ROR1: variants seen among roughly 807,000 people sequenced by gnomAD.
The protein encoded by ROR1 is ROR family WNT receptor 1, also known as inactive tyrosine-protein kinase transmembrane receptor ROR1.
ROR1 carries 19 observed loss-of-function variants against 78.8 expected under a neutral mutation model. That is an observed-to-expected ratio of 0.24 (90% CI 0.17 to 0.35). ROR1 has a LOEUF of 0.35. Among genes scored for constraint, ROR1 ranks in the 10% least tolerant of loss-of-function variants. The pLI is 1.00. For missense variants in ROR1, 917 were observed against 1,177.8 expected (o/e 0.78, Z 3.24); for synonymous variants, 386 against 433.6 (o/e 0.89, Z 1.36).
Position 64,178,558 on chromosome 1 carries a change from A to C in ROR1, c.2517A>C (p.Thr839=). 6.2e-7 allele frequency: 1 copy of C among 1,614,136 alleles called. No homozygotes were observed. The highest frequency in any genetic ancestry group is 8.5e-7 in the Non-Finnish European group (1 of 1,180,034). ...AAFPAAHYQP[T]GPPRVIQHCP... The stretch of plus-strand genomic sequence containing the variant: ...TTCCAGCTGCCCACTACCAGCCAAC[A>C]GGTCCTCCCAGAGTGATTCAGCACT... Residue 839 remains threonine, a synonymous_variant, in exon 9 of 9, where the codon ACA becomes ACC. Coordinates refer to ENST00000371079, the MANE Select transcript of ROR1 (RefSeq NM_005012.4). The surrounding 1 kb of genome is among the most constrained non-coding windows in gnomAD (Gnocchi z 4.3).
intron 8 of ROR1, among the ~76,000 whole-genome samples, chr1:64,170,957 A>G (rs1650221346): frequency 6.6e-6 from 1 of 152,130 alleles, no homozygotes; most frequent in Non-Finnish European, 1.5e-5. Flanking sequence ...CATTATCAGC[A>G]TTTTGGTCAA....
Position 64,028,844 on chromosome 1 carries a change from C to T in ROR1, c.163+19468C>T, listed in dbSNP as rs190023494. ...AAAATGTACAGTTAAATTATTATTGCCTATAATACCCCTGTTGTGCTATCA... is the reference window on the plus strand; with the variant it reads ...AAAATGTACAGTTAAATTATTATTGTCTATAATACCCCTGTTGTGCTATCA... On this transcript the variant is annotated intron_variant, in intron 2 of 8. Coordinates refer to ENST00000371079, the MANE Select transcript of ROR1 (RefSeq NM_005012.4). 3 of 152,134 alleles carry T rather than the reference C, an allele frequency of 2.0e-5. No homozygotes were observed. In the East Asian group the frequency reaches 5.8e-4, roughly 29 times the overall value. The allele number at this position is 152,134 out of a possible 1,614,324, so 9.4% of individuals were successfully genotyped here.
intron 1 of ROR1, among the ~76,000 whole-genome samples, chr1:63,888,165 C>CT (rs374920832): frequency 6.6e-6 from 1 of 152,102 alleles, no homozygotes; most frequent in Non-Finnish European, 1.5e-5. Context: ...GACAGTCTTC[C>CT]TTTTTTTCTA....
At chr1:63,865,213 T>C (rs1312632120) in intron 1 of ROR1, among the ~76,000 whole-genome samples, 2 of 152,214 alleles carry the variant, frequency 1.3e-5, no homozygotes, top group African/African-American at 4.8e-5. Flanking sequence ...TCCTAGTCTT[T>C]ATAGTTGATT....
intron 1 of ROR1, among the ~76,000 whole-genome samples, chr1:63,960,596 A>T (rs999147118): frequency 6.6e-6 from 1 of 152,180 alleles, no homozygotes; most frequent in Non-Finnish European, 1.5e-5. Flanking sequence ...CTCAAGTTTG[A>T]CCAGACACTT....
intron 5 of ROR1, 51 bp from the exon 6 acceptor site, chr1:64,140,058 A>G: frequency 6.5e-7 from 1 of 1,549,154 alleles, no homozygotes; most frequent in East Asian, 2.3e-5. Flanking sequence ...TAGATAACCA[A>G]AGAAGATAAA....
intron 2 of ROR1, among the ~76,000 whole-genome samples, chr1:64,025,966 C>T (rs1646605939): frequency 6.6e-6 from 1 of 152,132 alleles, no homozygotes; most frequent in Admixed American, 6.6e-5. Flanking sequence ...ACCACTAAAG[C>T]ACTTACTCAT....
intron 1 of ROR1, among the ~76,000 whole-genome samples, chr1:63,993,491 A>G (rs1384367556): frequency 6.6e-6 from 1 of 152,220 alleles, no homozygotes; most frequent in Non-Finnish European, 1.5e-5. Context: ...TAGATATTTT[A>G]TAAAGATGTA....
At chr1:64,108,672 T>C (rs1039920452) in intron 4 of ROR1, among the ~76,000 whole-genome samples, 5 of 151,924 alleles carry the variant, frequency 3.3e-5, no homozygotes, top group African/African-American at 7.3e-5. Flanking sequence ...CACACACCAA[T>C]ACAACATTCT....
At chr1:64,174,659 A>G (rs1289664797) in intron 8 of ROR1, among the ~76,000 whole-genome samples, 1 of 152,210 alleles carries the variant, frequency 6.6e-6, no homozygotes, top group Non-Finnish European at 1.5e-5. Flanking sequence ...GTCAAAAAGT[A>G]AGTGATGTCT....
intron 1 of ROR1, among the ~76,000 whole-genome samples, chr1:63,968,967 C>T (rs1342057776): frequency 2.0e-5 from 3 of 152,164 alleles, no homozygotes; most frequent in Admixed American, 6.5e-5. Context: ...TAAATAGGAG[C>T]TTCCTTGGAA....
chr1:63,973,620 G>C (rs1212579840), intron 1 of ROR1, among the ~76,000 whole-genome samples: 2 of 152,096 alleles, frequency 1.3e-5, no homozygotes, highest in Admixed American at 1.3e-4. Flanking sequence ...CCCCAATATT[G>C]GGACACAGGG....
Position 64,177,871 on chromosome 1 carries a change from C to A in ROR1, c.1830C>A (p.Phe610Leu). ...GCATGGAATACCTGTCTAGTCACTTCTTTGTCCACAAGGACCTTGCAGCTC... is the reference window on the plus strand; with the variant it reads ...GCATGGAATACCTGTCTAGTCACTTATTTGTCCACAAGGACCTTGCAGCTC... ...AAGMEYLSSH[F>L]FVHKDLAARN... Residue 610 changes from phenylalanine to leucine, a missense_variant, in exon 9 of 9, where the codon TTC becomes TTA. By Grantham distance (22) the Phe-to-Leu change is conservative. Around this residue, in one of 3 missense-constraint regions of ROR1, gnomAD observed 835 missense variants for 1,069.8 expected, o/e 0.78. Coordinates refer to ENST00000371079, the MANE Select transcript of ROR1 (RefSeq NM_005012.4). 6.2e-7 allele frequency: 1 copy of A among 1,614,174 alleles called. No individual in the cohort carries two copies. Among genetic ancestry groups the A allele is most frequent in the East Asian group, 2.2e-5 (1 of 44,888 alleles).
chr1:63,844,350 T>G (rs1449497350), intron 1 of ROR1, among the ~76,000 whole-genome samples: 1 of 152,226 alleles, frequency 6.6e-6, no homozygotes, highest in Non-Finnish European at 1.5e-5. Context: ...GTTGCCTGGC[T>G]TCACGCTGGT....
intron 8 of ROR1, among the ~76,000 whole-genome samples, chr1:64,173,661 G>C (rs1370342796): frequency 6.6e-6 from 1 of 152,154 alleles, no homozygotes; most frequent in African/African-American, 2.4e-5. Context: ...GCAAAATTAG[G>C]CGTTCTGTTT....
intron 1 of ROR1, among the ~76,000 whole-genome samples, chr1:63,873,197 T>C (rs898621972): frequency 6.6e-6 from 1 of 152,174 alleles, no homozygotes; most frequent in Admixed American, 6.5e-5. Flanking sequence ...CAAGGCTACA[T>C]GGAGACACGT....
chr1:64,008,985 G>C (rs111417228), intron 1 of ROR1, among the ~76,000 whole-genome samples: 4,524 of 152,106 alleles, frequency 0.03, 250 homozygotes, highest in African/African-American at 0.1. Flanking sequence ...TCTCATTGTG[G>C]TTTTGATTTG....
At chr1:63,873,109 G>C (rs929979826) in intron 1 of ROR1, among the ~76,000 whole-genome samples, 1 of 151,980 alleles carries the variant, frequency 6.6e-6, no homozygotes, top group African/African-American at 2.4e-5. Flanking sequence ...GAGGTTGTAA[G>C]TGATGTGAGA....
intron 1 of ROR1, among the ~76,000 whole-genome samples, chr1:63,861,546 G>T (rs546488508): frequency 6.6e-6 from 1 of 152,168 alleles, no homozygotes; most frequent in Non-Finnish European, 1.5e-5. Flanking sequence ...CACAAGACAG[G>T]TCTGTAGGAA....
Sources: gnomAD v4.1 joint callset for allele counts (sites outside exome capture counted in the v4.1 genomes callset) on GRCh38, gnomAD v4.1.1 for gene constraint, gnomAD v4.1.1 regional missense constraint, Gnocchi (gnomAD v3.1) non-coding constraint, MANE v1.5 for transcripts, NCBI Gene and HGNC (gene_info 2026-07-23, HGNC 2026-07-21) for gene names.